The following GID4 variants were observed in gnomAD, a reference collection of about 807,000 sequenced individuals.
The protein encoded by GID4 is glucose-induced degradation protein 4 homolog.
In GID4, 7 loss-of-function variants were observed where a neutral mutation model predicts 32.4. The ratio of observed to expected loss-of-function variants is 0.22; its 90% CI spans 0.12 to 0.41. The LOEUF (loss-of-function observed/expected upper bound fraction) is 0.41. Among genes scored for constraint, GID4 ranks in the 10% least tolerant of loss-of-function variants. GID4 has a pLI of 1.00. For synonymous variants in GID4, 166 were observed against 170.0 expected, an observed-to-expected ratio of 0.98 and a Z score of 0.18; for missense variants, 309 against 400.0, an observed-to-expected ratio of 0.77 and a Z score of 1.94.
chr17:18,046,567 C>T (rs908966936), intron 2 of GID4, among the ~76,000 whole-genome samples: 2 of 151,650 alleles, frequency 1.3e-5, no homozygotes, highest in African/African-American at 4.9e-5. Context: ...GTGATCATGC[C>T]TGTGAATAGC....
intron 2 of GID4, among the ~76,000 whole-genome samples, chr17:18,047,649 G>A (rs2044867454): frequency 6.6e-6 from 1 of 152,182 alleles, no homozygotes; most frequent in African/African-American, 2.4e-5. Flanking sequence ...TGCAGATGGC[G>A]TGGCCTCGAT....
intron 2 of GID4, among the ~76,000 whole-genome samples, chr17:18,047,025 A>G (rs1348999253): frequency 6.6e-6 from 1 of 151,904 alleles, no homozygotes; most frequent in Non-Finnish European, 1.5e-5. Context: ...AGACTCAAAT[A>G]TGGTACTAAT....
intron 2 of GID4, among the ~76,000 whole-genome samples, chr17:18,050,581 A>G (rs968980883): frequency 6.6e-6 from 1 of 152,242 alleles, no homozygotes; most frequent in Non-Finnish European, 1.5e-5. Context: ...CTAGGGAGAC[A>G]GGTCACACCT....
At chr17:18,057,139 T>C in intron 3 of GID4, 2 of 1,350,542 alleles carry the variant, frequency 1.5e-6, no homozygotes, top group Non-Finnish European at 2.0e-6. Flanking sequence ...AGGATAAAAA[T>C]GTCTATGTGA....
Position 18,068,178 on chromosome 17 carries a change from A to C in GID4, c.*2935A>C, listed in dbSNP as rs2045085082. ...AAAGAAATGCCATTAACTGTGTTGT[A>C]TCGTGGTTTAAAATTACTAACAAGT... is the stretch of plus-strand genomic sequence containing the variant. On this transcript the variant is annotated 3_prime_UTR_variant, in exon 6 of 6. Transcript: ENST00000268719. 1 of 152,630 alleles carries C rather than the reference A, an allele frequency of 6.6e-6. No homozygotes were observed. Among genetic ancestry groups the C allele is most frequent in the East Asian group, 1.9e-4 (1 of 5,204 alleles). The allele number at this position is 152,630 out of a possible 1,614,324, so 9.5% of individuals were successfully genotyped here.
At chr17:18,051,122 G>A (rs2044905382) in intron 2 of GID4, among the ~76,000 whole-genome samples, 1 of 152,152 alleles carries the variant, frequency 6.6e-6, no homozygotes, top group Non-Finnish European at 1.5e-5. Context: ...AAGAAAACTA[G>A]TGATTTAAAC....
Position 18,065,336 on chromosome 17 carries a change from T to A in GID4, c.*93T>A. 3 of 917,530 alleles carry A rather than the reference T, an allele frequency of 3.3e-6. No homozygotes were observed. The highest frequency in any genetic ancestry group is 2.2e-4 in the Middle Eastern group (1 of 4,514). 56.8% of individuals were successfully genotyped at this position (917,530 alleles called of 1,614,324 possible). A position where few individuals can be genotyped will look rare whatever the true frequency, so the allele number is the denominator to read the frequency against. On this transcript the variant is annotated 3_prime_UTR_variant, in exon 6 of 6. Transcript: ENST00000268719. ...GTACCTGCCAGAACCAGGAGAAGTG[T>A]GTTCCTGTTTCTTCACGAGCAGACT...
intron 1 of GID4, 45 bp from the exon 2 acceptor site, chr17:18,045,102 G>C (rs771248109): frequency 2.1e-5 from 31 of 1,503,122 alleles, no homozygotes; most frequent in Non-Finnish European, 2.9e-5. Flanking sequence ...ATGTCCCCTA[G>C]TAAGTTTATC....
At chr17:18,052,081 A>C (rs530619920) in intron 2 of GID4, among the ~76,000 whole-genome samples, 93 of 25,972 alleles carry the variant, frequency 3.6e-3, no homozygotes, top group South Asian at 7.8e-3. Context: ...CCCTCCCCCC[A>C]AAAAAAAAAA....
chr17:18,054,923 G>C (rs913314685), intron 3 of GID4, among the ~76,000 whole-genome samples: 10 of 152,152 alleles, frequency 6.6e-5, no homozygotes, highest in Admixed American at 5.2e-4. Flanking sequence ...TGTAATCCCA[G>C]CACTTTGGGA....
At chr17:18,055,817 T>TTTTTG (rs1335183562) in intron 3 of GID4, among the ~76,000 whole-genome samples, 2 of 147,404 alleles carry the variant, frequency 1.4e-5, no homozygotes, top group Admixed American at 1.4e-4. Context: ...TTTATGGGGG[T>TTTTTG]TTTTGTTTTG....
intron 2 of GID4, among the ~76,000 whole-genome samples, chr17:18,048,234 C>T (rs1461452248): frequency 6.6e-6 from 1 of 151,818 alleles, no homozygotes; most frequent in Admixed American, 6.6e-5. Flanking sequence ...GAGTCTCAGT[C>T]ACCCAGGCTG....
At chr17:18,044,011 T>G (rs1474606469) in intron 1 of GID4, among the ~76,000 whole-genome samples, 1 of 152,204 alleles carries the variant, frequency 6.6e-6, no homozygotes, top group Non-Finnish European at 1.5e-5. Flanking sequence ...TTCAGAGGCC[T>G]ACGATGGGCC....
At chr17:18,041,894 C>G (rs868002179) in intron 1 of GID4, among the ~76,000 whole-genome samples, 1 of 152,178 alleles carries the variant, frequency 6.6e-6, no homozygotes, top group Non-Finnish European at 1.5e-5. Flanking sequence ...CTCAGGCAGC[C>G]CAGAGCAGAA....
chr17:18,051,606 C>T (rs970246390), intron 2 of GID4, among the ~76,000 whole-genome samples: 5 of 151,174 alleles, frequency 3.3e-5, no homozygotes, highest in Admixed American at 1.3e-4. Context: ...ACCCGGGAGG[C>T]GGAGGTTGCA....
At chr17:18,046,636 T>A (rs974102145) in intron 2 of GID4, among the ~76,000 whole-genome samples, 32 of 147,254 alleles carry the variant, frequency 2.2e-4, no homozygotes, top group Admixed American at 6.8e-4. Context: ...AAAAAAAAAA[T>A]TGGGGTCGGG....
chr17:18,058,516 C>G (rs952545155), intron 3 of GID4, among the ~76,000 whole-genome samples: 1 of 152,186 alleles, frequency 6.6e-6, no homozygotes, highest in African/African-American at 2.4e-5. Context: ...TTTGCTACTT[C>G]GGATTTACTT....
intron 2 of GID4, among the ~76,000 whole-genome samples, chr17:18,047,656 C>T (rs182365164): frequency 2.0e-5 from 3 of 152,282 alleles, no homozygotes; most frequent in South Asian, 4.1e-4. Flanking sequence ...GGCGTGGCCT[C>T]GATGAGCACA....
At chr17:18,054,354 G>T (rs1288835803) in intron 3 of GID4, 120 bp downstream of exon 3, 17 of 603,476 alleles carry the variant, frequency 2.8e-5, no homozygotes, top group Non-Finnish European at 4.4e-5. Context: ...CAAGTAAAAG[G>T]TTGCACTGCA....
Sources: gnomAD v4.1 joint callset for allele counts (sites outside exome capture counted in the v4.1 genomes callset) on GRCh38, gnomAD v4.1.1 for gene constraint, MANE v1.5 for transcripts, NCBI Gene and HGNC (gene_info 2026-07-23, HGNC 2026-07-21) for gene names.